TFAP2D: variants seen among roughly 807,000 people sequenced by gnomAD.
TFAP2D encodes transcription factor AP-2-delta.
TFAP2D carries 9 observed loss-of-function variants against 43.6 expected under a neutral mutation model. The ratio of observed to expected loss-of-function variants is 0.21; its 90% confidence interval spans 0.12 to 0.36. The LOEUF (loss-of-function observed/expected upper bound fraction) is 0.36, where lower values mean the gene tolerates loss of function less well. TFAP2D is among the 10% of genes least tolerant of loss of function. The pLI is 1.00. For missense variants in TFAP2D, 513 were observed against 561.4 expected (o/e 0.91, Z 0.87); for synonymous variants, 256 against 224.9 (o/e 1.14, Z -1.24).
At chr6:50,745,319 G>A (rs1162608467) in intron 6 of TFAP2D, 71 bp downstream of exon 6, 10 of 1,593,102 alleles carry the variant, frequency 6.3e-6, no homozygotes, top group African/African-American at 2.7e-5. Flanking sequence ...TTGAAATGAG[G>A]AAAACAGTCT....
chr6:50,748,449 T>A (rs1769155319), intron 6 of TFAP2D, among the ~76,000 whole-genome samples: 1 of 151,894 alleles, frequency 6.6e-6, no homozygotes, highest in South Asian at 2.1e-4. Flanking sequence ...TAATCTACAT[T>A]GTCAGATTGG....
intron 3 of TFAP2D, among the ~76,000 whole-genome samples, chr6:50,719,474 A>AAAGAAAGAAAGAAAGAAAGAAAGG (rs1768682504): frequency 7.3e-6 from 1 of 136,522 alleles, no homozygotes; most frequent in African/African-American, 2.5e-5. Context: ...AGAAAGAAAG[A>AAAGAAAGAAAGAAAGAAAGAAAGG]AAGAAAGAAA....
chr6:50,763,113 A>T lies in TFAP2D; in HGVS notation c.1140-9532A>T, dbSNP rs1769385857. Reference sequence around the variant, plus strand: ...CTTAATCTCCCCTAAATTTCCTATCATTGATTTTGGCCCAACAATTAAGCT... The same window carrying T: ...CTTAATCTCCCCTAAATTTCCTATCTTTGATTTTGGCCCAACAATTAAGCT... On this transcript the variant is annotated intron_variant, in intron 7 of 7. Coordinates refer to ENST00000008391, the MANE Select transcript of TFAP2D (RefSeq NM_172238.4). Among the ~76,000 whole-genome samples the T allele has an allele frequency of 2.6e-5, 4 of 152,040 alleles. No individual in the cohort carries two copies. In the South Asian group the frequency reaches 8.3e-4, roughly 31 times the overall value.
chr6:50,729,220 G>C lies in TFAP2D; in HGVS notation c.791G>C (p.Cys264Ser), dbSNP rs1175031178. Residue 264 changes from cysteine (C) to serine (S), a missense_variant, in exon 5 of 8, where the codon TGC (cysteine) becomes TCC (serine). Transcript: ENST00000008391. ...RRAKSKNGGR[C>S]LREKLDRLGL... ...GCAAAATCAAAGAATGGGGGCCGCT[G>C]CCTGAGAGAGAAATTGGATAGGCTT... 1 of 1,613,982 alleles carries C rather than the reference G, an allele frequency of 6.2e-7. No homozygotes were observed. Among genetic ancestry groups the C allele is most frequent in the Non-Finnish European group, 8.5e-7 (1 of 1,179,876 alleles).
Position 50,720,659 on chromosome 6 carries a change from T to G in TFAP2D, c.598+1509T>G, listed in dbSNP as rs187096960. 2.8e-4 allele frequency among the ~76,000 whole-genome samples: 43 copies of G among 152,276 alleles called. 1 individual carries two copies. Among genetic ancestry groups the G allele is most frequent in the Non-Finnish European group, 1.2e-4 (8 of 68,026 alleles). On this transcript the variant is annotated intron_variant, in intron 3 of 7. Transcript: ENST00000008391. Reference sequence around the variant, plus strand: ...AGGCCCAAGACTGATGAATATTGAATGCACTGTGTTGGAGGAGGCAAAAAA... The same window carrying G: ...AGGCCCAAGACTGATGAATATTGAAGGCACTGTGTTGGAGGAGGCAAAAAA...
Position 50,761,977 on chromosome 6 carries a change from T to C in TFAP2D, c.1139+10653T>C, listed in dbSNP as rs144533002. On this transcript the variant is annotated intron_variant, in intron 7 of 7. Transcript: ENST00000008391. Reference sequence around the variant, plus strand: ...AAAGAGAAGTTTGTGAAATTCCTATTATATGGAATTTTCTGATAGGTCCTC... The same window carrying C: ...AAAGAGAAGTTTGTGAAATTCCTATCATATGGAATTTTCTGATAGGTCCTC... Among the ~76,000 whole-genome samples, 377 of 152,140 alleles carry C rather than the reference T, an allele frequency of 2.5e-3. 1 individual carries two copies. The highest frequency in any genetic ancestry group is 8.7e-3 in the African/African-American group (362 of 41,518).
rs751304908 is a variant in TFAP2D, at chr6:50,715,530, T to C, written c.454T>C (p.Ser152Pro). The stretch of plus-strand genomic sequence containing the variant: ...TGACCTGTCCCTCATGAGCCATGGC[T>C]CTCAGTATGGAATGCACCCAGATCA... ...RHDLSLMSHG[S>P]QYGMHPDQRL... Residue 152 changes from serine (S) to proline (P), a missense_variant, in exon 2 of 8, where the codon TCT becomes CCT. By Grantham distance (74) the Ser-to-Pro change is moderately conservative. Coordinates refer to ENST00000008391, the MANE Select transcript of TFAP2D (RefSeq NM_172238.4). The C allele has an allele frequency of 3.1e-6, 5 of 1,612,370 alleles. No individual in the cohort carries two copies. The highest frequency in any genetic ancestry group is 4.2e-6 in the Non-Finnish European group (5 of 1,179,980).
intron 3 of TFAP2D, among the ~76,000 whole-genome samples, chr6:50,719,613 T>C (rs1269868393): frequency 6.6e-6 from 1 of 152,224 alleles, no homozygotes; most frequent in Non-Finnish European, 1.5e-5. Context: ...GAGATGATGG[T>C]GTTAGCTTCA....
intron 6 of TFAP2D, among the ~76,000 whole-genome samples, chr6:50,748,278 A>G (rs1468007530): frequency 1.3e-5 from 2 of 152,008 alleles, no homozygotes; most frequent in East Asian, 1.9e-4. Context: ...ATGGTAAAGC[A>G]TGAGGTATTT....
chr6:50,715,790 A>C (rs927422067), intron 2 of TFAP2D, among the ~76,000 whole-genome samples, 177 bp downstream of exon 2: 17 of 151,190 alleles, frequency 1.1e-4, no homozygotes, highest in Admixed American at 1.1e-3. Flanking sequence ...CCACTTATGG[A>C]AAGTTATCAA....
chr6:50,733,732 A>G (rs1222895540), intron 5 of TFAP2D, among the ~76,000 whole-genome samples: 1 of 152,054 alleles, frequency 6.6e-6, no homozygotes, highest in Non-Finnish European at 1.5e-5. Flanking sequence ...CTTCCTGCAT[A>G]TCACTCCCTT....
chr6:50,768,265 C>T (rs1485719812), intron 7 of TFAP2D, among the ~76,000 whole-genome samples: 23 of 103,882 alleles, frequency 2.2e-4, no homozygotes, highest in Admixed American at 4.8e-4. Flanking sequence ...CCTTCTATTT[C>T]TAATTTTCTT....
chr6:50,770,231 C>T (rs1319598723), intron 7 of TFAP2D, among the ~76,000 whole-genome samples: 1 of 152,088 alleles, frequency 6.6e-6, no homozygotes, highest in Admixed American at 6.5e-5. Flanking sequence ...TTTGGCTTCC[C>T]CTCTAGTTGT....
intron 5 of TFAP2D, among the ~76,000 whole-genome samples, chr6:50,730,299 T>C (rs948306365): frequency 6.6e-6 from 1 of 152,184 alleles, no homozygotes; most frequent in African/African-American, 2.4e-5. Context: ...GCTTTGGTGA[T>C]TTTGCTCTTA....
intron 5 of TFAP2D, among the ~76,000 whole-genome samples, chr6:50,736,833 A>G (rs1193566257): frequency 6.6e-6 from 1 of 152,152 alleles, no homozygotes; most frequent in Non-Finnish European, 1.5e-5. Flanking sequence ...CCTTTGATCT[A>G]GCTCATTATT....
At chr6:50,766,768 A>G (rs1451294788) in intron 7 of TFAP2D, among the ~76,000 whole-genome samples, 1 of 141,024 alleles carries the variant, frequency 7.1e-6, no homozygotes, top group Non-Finnish European at 1.5e-5. Flanking sequence ...TCCCGGGTTC[A>G]CGCCATTCTC....
At chr6:50,764,610 CT>C (rs1031895097) in intron 7 of TFAP2D, among the ~76,000 whole-genome samples, 2 of 152,050 alleles carry the variant, frequency 1.3e-5, no homozygotes, top group African/African-American at 4.8e-5. Flanking sequence ...GTAAATAAAA[CT>C]GTTTAAGGAA....
chr6:50,715,720 TCCTCTC>T (rs1260981077), intron 2 of TFAP2D, 107 bp downstream of exon 2: 3 of 922,370 alleles, frequency 3.3e-6, no homozygotes, highest in East Asian at 2.8e-5. Context: ...CTCTCTCTTC[TCCTCTC>T]TCTCTCTCTC....
chr6:50,714,977 T>G lies in TFAP2D; in HGVS notation c.40-139T>G, dbSNP rs1768591813. ...CTGGTGAAGACGCTGAGACCCGGCT[T>G]CGGCTCGGCCCGAGTCCTACGCGCT... On this transcript the variant is annotated intron_variant, in intron 1 of 7. Coordinates refer to ENST00000008391, the MANE Select transcript of TFAP2D (RefSeq NM_172238.4). The G allele has an allele frequency of 6.0e-6, 7 of 1,157,478 alleles. No homozygotes were observed. The South Asian group carries it at 9.5e-5, about 16-fold the overall frequency. The allele number at this position is 1,157,478 out of a possible 1,614,324, so 71.7% of individuals were successfully genotyped here. A position where few individuals can be genotyped will look rare whatever the true frequency, so the allele number is the denominator to read the frequency against.
Sources: gnomAD v4.1 joint callset for allele counts (sites outside exome capture counted in the v4.1 genomes callset) on GRCh38, gnomAD v4.1.1 for gene constraint, MANE v1.5 for transcripts, NCBI Gene and HGNC (gene_info 2026-07-23, HGNC 2026-07-21) for gene names.